The following CNTNAP2 variants were observed in gnomAD, a reference collection of about 807,000 sequenced individuals.
The protein encoded by CNTNAP2 is contactin associated protein 2.
CNTNAP2 carries 98 observed loss-of-function variants against 155.2 expected under a neutral mutation model. The observed-to-expected ratio is 0.63, with a 90% CI of 0.54 to 0.75. The LOEUF is 0.75. Among genes scored for constraint, CNTNAP2 ranks in the 30% least tolerant of loss-of-function variants. The pLI, the probability that CNTNAP2 is intolerant of heterozygous loss-of-function variation, is 0.00. For missense variants in CNTNAP2, 1,727 were observed against 1,688.1 expected, an observed-to-expected ratio of 1.02 and a Z score of -0.40; for synonymous variants, 651 against 631.2, an observed-to-expected ratio of 1.03 and a Z score of -0.47.
chr7:146,306,560 G>C (rs1800716764), intron 1 of CNTNAP2, among the ~76,000 whole-genome samples: 1 of 152,082 alleles, frequency 6.6e-6, no homozygotes, highest in Admixed American at 6.5e-5. Context: ...GATCAAGTTG[G>C]CTTCATCCCT....
At chr7:146,487,626 G>C (rs1797076209) in intron 1 of CNTNAP2, among the ~76,000 whole-genome samples, 1 of 152,160 alleles carries the variant, frequency 6.6e-6, no homozygotes, top group Non-Finnish European at 1.5e-5. Flanking sequence ...ATGAACATGA[G>C]ATAGTTGACA....
chr7:146,391,737 A>G (rs1795547410), intron 1 of CNTNAP2, among the ~76,000 whole-genome samples: 1 of 150,456 alleles, frequency 6.6e-6, no homozygotes, highest in Non-Finnish European at 1.5e-5. Context: ...ATTTCCCTGC[A>G]AAGAACACGG....
intron 1 of CNTNAP2, among the ~76,000 whole-genome samples, chr7:146,757,930 C>A (rs1339469362): frequency 6.6e-6 from 1 of 152,154 alleles, no homozygotes; most frequent in Non-Finnish European, 1.5e-5. Context: ...CTTCTGATTA[C>A]ATTGTTTTCT....
intron 18 of CNTNAP2, among the ~76,000 whole-genome samples, chr7:148,206,917 T>C (rs1334122460): frequency 6.6e-6 from 1 of 152,144 alleles, no homozygotes; most frequent in Admixed American, 6.5e-5. Flanking sequence ...AGTGAAACCA[T>C]CCAGGCATCC....
intron 17 of CNTNAP2, among the ~76,000 whole-genome samples, chr7:148,168,543 C>T (rs1464934859): frequency 7.7e-6 from 1 of 129,552 alleles, no homozygotes; most frequent in Non-Finnish European, 1.5e-5. Context: ...AGGGGAACAT[C>T]ACACACCGGG....
At chr7:147,012,295 A>G (rs900232096) in intron 3 of CNTNAP2, among the ~76,000 whole-genome samples, 1 of 152,158 alleles carries the variant, frequency 6.6e-6, no homozygotes, top group Non-Finnish European at 1.5e-5. Context: ...TGGTTATATA[A>G]GAGCATATTC....
At chr7:146,830,270 T>C (rs1002333617) in intron 2 of CNTNAP2, among the ~76,000 whole-genome samples, 1 of 152,096 alleles carries the variant, frequency 6.6e-6, no homozygotes, top group Non-Finnish European at 1.5e-5. Context: ...TTTTTGAGTA[T>C]GGTGTGGGGC....
intron 20 of CNTNAP2, among the ~76,000 whole-genome samples, chr7:148,247,585 G>A (rs1796286123): frequency 6.8e-6 from 1 of 147,088 alleles, no homozygotes; most frequent in South Asian, 2.3e-4. Flanking sequence ...TTTCGGGTCA[G>A]CTTCTCCCAT....
intron 1 of CNTNAP2, among the ~76,000 whole-genome samples, chr7:146,378,044 T>G (rs866076975): frequency 6.6e-6 from 1 of 152,232 alleles, no homozygotes; most frequent in South Asian, 2.1e-4. Context: ...CTTGTTAATT[T>G]TCTGCCTTTC....
chr7:147,281,419 T>C (rs892604347), intron 8 of CNTNAP2, among the ~76,000 whole-genome samples: 4 of 151,878 alleles, frequency 2.6e-5, no homozygotes, highest in Admixed American at 2.6e-4. Flanking sequence ...AACTTTATTT[T>C]TGATGTAGTC....
At chr7:146,427,224 A>G (rs1400500810) in intron 1 of CNTNAP2, among the ~76,000 whole-genome samples, 1 of 152,182 alleles carries the variant, frequency 6.6e-6, no homozygotes, top group Non-Finnish European at 1.5e-5. Context: ...TGACTTGGAA[A>G]TAAGTGATAA....
At chr7:146,301,468 CA>C (rs145126694) in intron 1 of CNTNAP2, among the ~76,000 whole-genome samples, 1 of 151,524 alleles carries the variant, frequency 6.6e-6, no homozygotes, top group African/African-American at 2.4e-5. Flanking sequence ...ACTAAAAATA[CA>C]AAAAAAATTA....
rs183159151 is a variant in CNTNAP2 at position 147,898,612 on chromosome 7, G to A, written c.2099-4953G>A. Reference sequence around the variant, plus strand: ...TTGGCCCACTGCAACCTCTGCCACCGAGGTTCTAGTGATTCTCCTGCCTCA... The same window carrying A: ...TTGGCCCACTGCAACCTCTGCCACCAAGGTTCTAGTGATTCTCCTGCCTCA... On this transcript the variant is annotated intron_variant, in intron 13 of 23. Transcript: ENST00000361727. 5.1e-3 allele frequency among the ~76,000 whole-genome samples: 771 copies of A among 151,980 alleles called. 1 individual carries two copies. Among genetic ancestry groups the A allele is most frequent in the Middle Eastern group, 0.017 (5 of 294 alleles).
intron 19 of CNTNAP2, among the ~76,000 whole-genome samples, chr7:148,222,800 A>G (rs1009963893): frequency 6.6e-6 from 1 of 152,182 alleles, no homozygotes; most frequent in Admixed American, 6.5e-5. Flanking sequence ...TCAGTGCCAC[A>G]AACTTTTAAG....
intron 3 of CNTNAP2, among the ~76,000 whole-genome samples, chr7:146,961,117 A>G (rs1797550407): frequency 6.6e-6 from 1 of 152,202 alleles, no homozygotes. Context: ...TCTCTGGCTC[A>G]CAGGAACAAA....
At chr7:148,299,261 A>G (rs561586477) in intron 21 of CNTNAP2, among the ~76,000 whole-genome samples, 1 of 152,286 alleles carries the variant, frequency 6.6e-6, no homozygotes, top group East Asian at 1.9e-4. Flanking sequence ...AAATGCTGGT[A>G]TTACAGATGT....
intron 13 of CNTNAP2, among the ~76,000 whole-genome samples, chr7:147,759,061 G>A (rs915563802): frequency 4.6e-5 from 7 of 151,866 alleles, no homozygotes; most frequent in African/African-American, 1.5e-4. Flanking sequence ...TTTCATGAAG[G>A]CTTAAAGAGA....
intron 15 of CNTNAP2, among the ~76,000 whole-genome samples, chr7:148,107,960 A>T (rs964812424): frequency 6.6e-6 from 1 of 152,192 alleles, no homozygotes; most frequent in African/African-American, 2.4e-5. Flanking sequence ...TGGCCACTGG[A>T]GCCAGCCTGG....
At chr7:146,374,897 TGAA>T (rs1197953497) in intron 1 of CNTNAP2, among the ~76,000 whole-genome samples, 2 of 152,206 alleles carry the variant, frequency 1.3e-5, no homozygotes, top group Non-Finnish European at 2.9e-5. Context: ...TAAAATCTGA[TGAA>T]GTATTATCAG....
Sources: allele counts gnomAD v4.1 joint callset (sites outside exome capture counted in the v4.1 genomes callset), GRCh38; gene constraint gnomAD v4.1.1; transcripts MANE v1.5; gene names NCBI Gene and HGNC (gene_info 2026-07-23, HGNC 2026-07-21).